Variants in TRHDE observed in about 807,000 individuals in gnomAD.
TRHDE encodes thyrotropin releasing hormone degrading enzyme.
TRHDE carries 72 observed loss-of-function variants against 125.7 expected under a neutral mutation model. That is an observed-to-expected ratio of 0.57 (90% CI 0.47 to 0.70). The LOEUF (loss-of-function observed/expected upper bound fraction) is 0.70. Among genes scored for constraint, TRHDE ranks in the 30% least tolerant of loss-of-function variants. TRHDE has a pLI of 0.00. For synonymous variants in TRHDE, 509 were observed against 509.1 expected, an observed-to-expected ratio of 1.00 and a Z score of 0.00; for missense variants, 1,110 against 1,327.1, an observed-to-expected ratio of 0.84 and a Z score of 2.54.
chr12:72,369,216 A>G lies in TRHDE; in HGVS notation c.1189-8779A>G, dbSNP rs1166925391. Among the ~76,000 whole-genome samples the G allele has an allele frequency of 2.6e-5, 4 of 152,174 alleles. No homozygotes were observed. In the East Asian group the frequency reaches 7.7e-4, roughly 29 times the overall value. The stretch of plus-strand genomic sequence containing the variant: ...AAACACCAACAGGAGCTCCCATTTT[A>G]TCCTAAGGGATCAAAAATTTGTAGT... On this transcript the variant is annotated intron_variant, in intron 2 of 18. Transcript: ENST00000261180.
chr12:72,452,704 T>C (rs11179212), intron 3 of TRHDE, among the ~76,000 whole-genome samples: 2 of 151,918 alleles, frequency 1.3e-5, no homozygotes, highest in African/African-American at 2.4e-5. Context: ...TTCTCATGGA[T>C]CATTTAGTAC....
At chr12:72,641,216 T>C (rs556770259) in intron 15 of TRHDE, among the ~76,000 whole-genome samples, 10 of 152,222 alleles carry the variant, frequency 6.6e-5, no homozygotes, top group Non-Finnish European at 1.3e-4. Context: ...CTTTGGCAAG[T>C]ATAATTTTCC....
chr12:72,621,082 C>T (rs774157309), intron 13 of TRHDE, 26 bp from the exon 14 acceptor site: 10 of 1,346,122 alleles, frequency 7.4e-6, no homozygotes, highest in Non-Finnish European at 9.5e-6. Flanking sequence ...CTGACCTTAT[C>T]TTTATTTATT....
At chr12:72,627,839 C>G (rs1592581667) in intron 15 of TRHDE, among the ~76,000 whole-genome samples, 1 of 148,966 alleles carries the variant, frequency 6.7e-6, no homozygotes, top group Admixed American at 6.7e-5. Flanking sequence ...CACCACCACA[C>G]CTGGCTAATT....
chr12:72,090,987 A>G (rs1267452768), intron 1 of TRHDE, among the ~76,000 whole-genome samples: 2 of 152,054 alleles, frequency 1.3e-5, no homozygotes, highest in Non-Finnish European at 2.9e-5. Flanking sequence ...TCTCCTGTCC[A>G]GCCTCCTGAG....
chr12:72,458,422 G>T (rs1320295571), intron 3 of TRHDE, among the ~76,000 whole-genome samples: 1 of 151,862 alleles, frequency 6.6e-6, no homozygotes, highest in Non-Finnish European at 1.5e-5. Context: ...TGCTTTGTGG[G>T]CCCCACCCCA....
chr12:72,221,489 C>T (rs2687491), intron 2 of TRHDE, among the ~76,000 whole-genome samples: 115,979 of 151,950 alleles, frequency 0.76, 44,548 homozygotes, highest in Non-Finnish European at 0.79. Flanking sequence ...GATAACACTA[C>T]TGAAATGGCA....
chr12:72,645,492 C>A (rs1874244040), intron 15 of TRHDE, among the ~76,000 whole-genome samples: 1 of 151,816 alleles, frequency 6.6e-6, no homozygotes. Context: ...AGCAAATGGA[C>A]CAATATATAC....
At chr12:72,102,554 C>T (rs954024352) in intron 1 of TRHDE, among the ~76,000 whole-genome samples, 1 of 152,212 alleles carries the variant, frequency 6.6e-6, no homozygotes, top group African/African-American at 2.4e-5. Flanking sequence ...AAGTTCCAAT[C>T]TTATACTTTA....
At chr12:72,460,156 C>T (rs1876060371) in intron 3 of TRHDE, among the ~76,000 whole-genome samples, 1 of 152,198 alleles carries the variant, frequency 6.6e-6, no homozygotes, top group African/African-American at 2.4e-5. Context: ...AAAAAGCAGT[C>T]AGTGCCTGTT....
At chr12:72,357,608 A>G (rs1870880057) in intron 2 of TRHDE, among the ~76,000 whole-genome samples, 1 of 151,548 alleles carries the variant, frequency 6.6e-6, no homozygotes, top group African/African-American at 2.4e-5. Context: ...GCATTCATCC[A>G]TTGATGGACA....
At chr12:72,396,135 A>T (rs1161162747) in intron 3 of TRHDE, among the ~76,000 whole-genome samples, 1 of 152,104 alleles carries the variant, frequency 6.6e-6, no homozygotes, top group Admixed American at 6.5e-5. Context: ...TTCTCACATC[A>T]TCAGGTCCCC....
chr12:72,187,915 T>A (rs1877260349), intron 2 of TRHDE, among the ~76,000 whole-genome samples: 1 of 152,186 alleles, frequency 6.6e-6, no homozygotes, highest in Admixed American at 6.5e-5. Context: ...GTCTTTAAGT[T>A]TAAACAAACA....
intron 2 of TRHDE, among the ~76,000 whole-genome samples, chr12:72,128,547 G>A (rs1280799979): frequency 1.3e-5 from 2 of 152,134 alleles, no homozygotes; most frequent in Admixed American, 1.3e-4. Context: ...TACGTCATAT[G>A]TTCAAAAACT....
chr12:72,087,410 A>G, exon 1 of TRHDE: 1 of 152,452 alleles, frequency 6.6e-6, no homozygotes. Context: ...GAAAGATGGG[A>G]TCAATAATAG....
intron 2 of TRHDE, among the ~76,000 whole-genome samples, chr12:72,173,827 A>C (rs1876930809): frequency 6.6e-6 from 1 of 152,060 alleles, no homozygotes; most frequent in Non-Finnish European, 1.5e-5. Flanking sequence ...AACTGTTTTT[A>C]AGTTGCAGAC....
intron 2 of TRHDE, chr12:72,264,128 T>C (rs920325463): frequency 1.3e-5 from 2 of 152,078 alleles, no homozygotes; most frequent in South Asian, 2.1e-4. Flanking sequence ...ATTCAAAAGA[T>C]TATTATAACA....
At chr12:72,131,376 CT>C (rs1009232913) in intron 2 of TRHDE, among the ~76,000 whole-genome samples, 1 of 151,910 alleles carries the variant, frequency 6.6e-6, no homozygotes, top group African/African-American at 2.4e-5. Flanking sequence ...CCGGCCTCTA[CT>C]TAATGTATTT....
chr12:72,425,202 G>A (rs1299017116), intron 3 of TRHDE, among the ~76,000 whole-genome samples: 1 of 152,112 alleles, frequency 6.6e-6, no homozygotes, highest in African/African-American at 2.4e-5. Context: ...ATGTTGGCAT[G>A]CCATTGGCCA....
Sources: gnomAD v4.1 joint callset for allele counts (sites outside exome capture counted in the v4.1 genomes callset) on GRCh38, gnomAD v4.1.1 for gene constraint, MANE v1.5 for transcripts, NCBI Gene and HGNC (gene_info 2026-07-23, HGNC 2026-07-21) for gene names.